Variants in RAD51B observed in about 807,000 individuals in gnomAD.
The protein encoded by RAD51B is DNA repair protein RAD51 homolog 2.
A neutral mutation model predicts 42.2 loss-of-function variants in RAD51B; 38 were observed. The ratio of observed to expected loss-of-function variants is 0.90; its 90% CI spans 0.70 to 1.18. The LOEUF is 1.18. RAD51B is among the 50% of genes most tolerant of loss of function. The pLI, the probability that RAD51B is intolerant of heterozygous loss-of-function variation, is 0.00. For synonymous variants in RAD51B, 154 were observed against 145.2 expected (o/e 1.06, Z -0.43); for missense variants, 373 against 400.7 (o/e 0.93, Z 0.59).
At chr14:68,383,470 A>T (rs1375847549) in intron 8 of RAD51B, among the ~76,000 whole-genome samples, 3 of 152,204 alleles carry the variant, frequency 2.0e-5, no homozygotes. Context: ...GTGGTATATA[A>T]CACAGATGTA....
At chr14:67,923,064 C>T (rs976827185) in intron 7 of RAD51B, among the ~76,000 whole-genome samples, 1 of 152,112 alleles carries the variant, frequency 6.6e-6, no homozygotes, top group Non-Finnish European at 1.5e-5. Context: ...TTTTATCATT[C>T]TTATGCCTCT....
At chr14:68,397,660 T>C (rs1041497912) in intron 8 of RAD51B, among the ~76,000 whole-genome samples, 5 of 152,170 alleles carry the variant, frequency 3.3e-5, no homozygotes, top group Non-Finnish European at 1.5e-5. Context: ...ATGGTGGCCA[T>C]GGGGACACCC....
At chr14:68,265,443 A>C (rs753705707) in intron 7 of RAD51B, among the ~76,000 whole-genome samples, 2 of 152,158 alleles carry the variant, frequency 1.3e-5, no homozygotes, top group Non-Finnish European at 2.9e-5. Context: ...AGTGGGGCAG[A>C]CTGGTATAAA....
intron 7 of RAD51B, among the ~76,000 whole-genome samples, chr14:68,156,634 G>A (rs1195255626): frequency 6.6e-6 from 1 of 151,888 alleles, no homozygotes; most frequent in Non-Finnish European, 1.5e-5. Context: ...CATTCTAATG[G>A]GGTCATGTAC....
intron 7 of RAD51B, among the ~76,000 whole-genome samples, chr14:68,150,524 G>A (rs1264356361): frequency 1.3e-5 from 2 of 152,094 alleles, no homozygotes; most frequent in African/African-American, 4.8e-5. Context: ...CATAGGTCTT[G>A]TACATATTTT....
rs1308364259 is a variant in RAD51B at position 67,937,983 on chromosome 14, A to G, written c.756+50779A>G. Among the ~76,000 whole-genome samples the G allele has an allele frequency of 4.6e-5, 7 of 151,988 alleles. No individual in the cohort carries two copies. The East Asian group carries it at 5.8e-4, about 13-fold the overall frequency. ...GTGTCTACCTTCTCAAGGTTTTTCTATAGAATGACTTATCAAAATCCATAT... is the reference window on the plus strand; with the variant it reads ...GTGTCTACCTTCTCAAGGTTTTTCTGTAGAATGACTTATCAAAATCCATAT... On this transcript the variant is annotated intron_variant, in intron 7 of 10. Coordinates refer to ENST00000471583, the MANE Select transcript of RAD51B (RefSeq NM_133510.4).
chr14:67,877,918 G>A (rs1195465828), intron 5 of RAD51B, among the ~76,000 whole-genome samples: 2 of 152,096 alleles, frequency 1.3e-5, no homozygotes, highest in South Asian at 2.1e-4. Flanking sequence ...TCCTGCTTCC[G>A]CCTCCCAAAC....
chr14:68,040,378 AT>A (rs2076199896), intron 7 of RAD51B, among the ~76,000 whole-genome samples: 1 of 152,176 alleles, frequency 6.6e-6, no homozygotes, highest in South Asian at 2.1e-4. Context: ...TTACTTTGTA[AT>A]TTTTTAAATT....
rs12887346 is a variant in RAD51B, at chr14:68,504,508, G to A, written c.1036+36258G>A. ...GCAGACAATCAGTGCCTCTGATCATGAAGACTGGAGAAATGTGTCTGGGCT... is the reference window on the plus strand; with the variant it reads ...GCAGACAATCAGTGCCTCTGATCATAAAGACTGGAGAAATGTGTCTGGGCT... On this transcript the variant is annotated intron_variant, in intron 10 of 10. Coordinates refer to the RAD51B transcript ENST00000487270. Among the ~76,000 whole-genome samples the A allele has an allele frequency of 3.9e-5, 6 of 152,304 alleles. No homozygotes were observed. In the South Asian group the frequency reaches 1.0e-3, roughly 26 times the overall value.
intron 5 of RAD51B, among the ~76,000 whole-genome samples, chr14:67,868,225 C>T (rs966997095): frequency 5.1e-4 from 78 of 152,126 alleles, no homozygotes; most frequent in Non-Finnish European, 9.6e-4. Flanking sequence ...TCAGTGGGTG[C>T]CCGCACCACA....
intron 10 of RAD51B, among the ~76,000 whole-genome samples, chr14:68,468,757 G>A (rs1392357508): frequency 6.6e-6 from 1 of 152,164 alleles, no homozygotes; most frequent in South Asian, 2.1e-4. Context: ...TCCTGACATG[G>A]TCTTCCTGCT....
intron 9 of RAD51B, among the ~76,000 whole-genome samples, chr14:68,440,623 G>C (rs2140158531): frequency 6.6e-6 from 1 of 152,252 alleles, no homozygotes; most frequent in East Asian, 1.9e-4. Flanking sequence ...GCGGACACCT[G>C]TAATCCCAGG....
At chr14:68,081,383 C>T (rs946250861) in intron 7 of RAD51B, among the ~76,000 whole-genome samples, 2 of 152,154 alleles carry the variant, frequency 1.3e-5, no homozygotes, top group African/African-American at 4.8e-5. Context: ...TTCAGCTTTC[C>T]TCCAGCTGTG....
intron 7 of RAD51B, among the ~76,000 whole-genome samples, chr14:68,184,040 C>T (rs1470781466): frequency 6.9e-6 from 1 of 144,504 alleles, no homozygotes; most frequent in Non-Finnish European, 1.5e-5. Context: ...TTGCAGTGAG[C>T]GGAGATCACG....
intron 9 of RAD51B, among the ~76,000 whole-genome samples, chr14:68,446,662 C>A (rs1167080359): frequency 2.0e-5 from 3 of 152,064 alleles, no homozygotes; most frequent in African/African-American, 4.8e-5. Context: ...GCTGTCTTTG[C>A]CACCATATGA....
chr14:68,096,424 C>T (rs754449535), intron 7 of RAD51B, among the ~76,000 whole-genome samples: 1 of 152,174 alleles, frequency 6.6e-6, no homozygotes, highest in Non-Finnish European at 1.5e-5. Context: ...CAAGTCGTAC[C>T]GTCCAAGAGC....
chr14:67,884,657 T>A (rs1950549090), intron 5 of RAD51B, among the ~76,000 whole-genome samples: 2 of 152,222 alleles, frequency 1.3e-5, no homozygotes. Flanking sequence ...TCAATCCCTG[T>A]GCCTCTCTTA....
At chr14:67,832,983 G>A (rs987573827) in intron 3 of RAD51B, among the ~76,000 whole-genome samples, 2 of 152,162 alleles carry the variant, frequency 1.3e-5, no homozygotes, top group African/African-American at 4.8e-5. Context: ...ATTAACTTTT[G>A]TAGTTCTAAA....
intron 7 of RAD51B, among the ~76,000 whole-genome samples, chr14:68,138,257 A>G (rs1225147223): frequency 6.6e-6 from 1 of 152,220 alleles, no homozygotes; most frequent in African/African-American, 2.4e-5. Context: ...CATTAAATAA[A>G]AGACATTTGG....
Sources: allele counts gnomAD v4.1 joint callset (sites outside exome capture counted in the v4.1 genomes callset), GRCh38; gene constraint gnomAD v4.1.1; transcripts MANE v1.5; gene names NCBI Gene and HGNC (gene_info 2026-07-23, HGNC 2026-07-21).